NAA20: variants seen among roughly 807,000 people sequenced by gnomAD.
NAA20 encodes the protein N-alpha-acetyltransferase 20, NatB catalytic subunit, also known as N-alpha-acetyltransferase 20.
NAA20 carries 24 observed loss-of-function variants against 23.8 expected under a neutral mutation model. The ratio of observed to expected loss-of-function variants is 1.01; its 90% CI spans 0.73 to 1.42. NAA20 has a LOEUF of 1.42. NAA20 is among the 40% of genes most tolerant of loss of function. The pLI is 0.00. For synonymous variants in NAA20, 83 were observed against 77.7 expected, an observed-to-expected ratio of 1.07 and a Z score of -0.36; for missense variants, 166 against 223.1, an observed-to-expected ratio of 0.74 and a Z score of 1.63.
At chr20:20,026,671 TA>T (rs1568747824) in intron 3 of NAA20, 112 bp from the exon 4 acceptor site, 1 of 1,397,734 alleles carries the variant, frequency 7.2e-7, no homozygotes. Flanking sequence ...AGGTGGTACT[TA>T]AAAACTTCTT....
chr20:20,020,416 TAGAG>T (rs1271509421), intron 1 of NAA20, among the ~76,000 whole-genome samples: 3 of 151,926 alleles, frequency 2.0e-5, no homozygotes, highest in Non-Finnish European at 4.4e-5. Flanking sequence ...AGCTTCCAGA[TAGAG>T]GGAACAGTAA....
intron 4 of NAA20, 77 bp downstream of exon 4, chr20:20,026,996 T>C: frequency 6.4e-7 from 1 of 1,569,710 alleles, no homozygotes; most frequent in Non-Finnish European, 8.7e-7. Flanking sequence ...GCTGAATAAC[T>C]GTCATGCTTT....
chr20:20,022,533 AG>A (rs2043276382), intron 2 of NAA20, 53 bp downstream of exon 2: 9 of 1,456,192 alleles, frequency 6.2e-6, no homozygotes, highest in Non-Finnish European at 8.4e-6. Flanking sequence ...CTGAGAATAA[AG>A]AAAACAGAAA....
intron 2 of NAA20, among the ~76,000 whole-genome samples, chr20:20,024,012 A>G (rs1045170289): frequency 1.3e-5 from 2 of 152,228 alleles, no homozygotes; most frequent in African/African-American, 2.4e-5. Flanking sequence ...GTTTTTGTAA[A>G]TAAAATGTTA....
In NAA20 at chr20:20,025,743, C is replaced by T. The variant is rs146669267; in HGVS notation, c.145C>T (p.Pro49Ser). 1.9e-6 allele frequency: 3 copies of T among 1,608,974 alleles called. No homozygotes were observed. The highest frequency in any genetic ancestry group is 2.6e-6 in the Non-Finnish European group (3 of 1,175,560). Residue 49 changes from proline (P) to serine (S), a missense_variant, in exon 3 of 6, where the codon CCT becomes TCT. By Grantham distance (74) the Pro-to-Ser change is moderately conservative. Coordinates refer to ENST00000334982, the MANE Select transcript of NAA20 (RefSeq NM_016100.5). ...AGAGTATTTCATTGTTGCAGAGGCA[C>T]CTGGTGGAGAATTAATGGGTTATAG... ...WPEYFIVAEA[P>S]GGELMGYIMG...
chr20:20,033,351 G>C lies in NAA20; in HGVS notation c.*164G>C. Reference sequence around the variant, plus strand: ...TTTATTTTAAATCTCATTGTTTCCAGTTAGCAATATCATACCTATTAAAGC... The same window carrying C: ...TTTATTTTAAATCTCATTGTTTCCACTTAGCAATATCATACCTATTAAAGC... On this transcript the variant is annotated 3_prime_UTR_variant, in exon 6 of 6. Transcript: ENST00000334982. The C allele has an allele frequency of 1.7e-6, 1 of 587,568 alleles. No individual in the cohort carries two copies. The highest frequency in any genetic ancestry group is 2.9e-6 in the Non-Finnish European group (1 of 341,710). The allele number at this position is 587,568 out of a possible 1,614,324, so 36.4% of individuals were successfully genotyped here.
chr20:20,032,616 T>C lies in NAA20; in HGVS notation c.414T>C (p.Tyr138=), dbSNP rs1367197938. 3 of 1,608,730 alleles carry C rather than the reference T, an allele frequency of 1.9e-6. No homozygotes were observed. The highest frequency in any genetic ancestry group is 3.3e-4 in the Middle Eastern group (2 of 6,042). ...TATATAGGACGGTCATAGAGTACTA[T>C]TCGGCCAGCAACGGGGAGCCTGATG... ...YSVYRTVIEY[Y]SASNGEPDED... is the part of the protein sequence containing the mutation. Residue 138 remains tyrosine (Y), a synonymous_variant, in exon 5 of 6, where the codon TAT becomes TAC. Transcript: ENST00000334982.
At chr20:20,020,955 G>T (rs1268450371) in intron 1 of NAA20, among the ~76,000 whole-genome samples, 3 of 151,178 alleles carry the variant, frequency 2.0e-5, no homozygotes, top group East Asian at 3.9e-4. Context: ...TACTGAGGGG[G>T]TCTCTCGCCC....
At chr20:20,026,511 GTTTT>G (rs11481799) in intron 3 of NAA20, among the ~76,000 whole-genome samples, 1 of 142,626 alleles carries the variant, frequency 7.0e-6, no homozygotes, top group African/African-American at 2.6e-5. Context: ...ACATACTCTG[GTTTT>G]TTTTTTTTCA....
intron 1 of NAA20, among the ~76,000 whole-genome samples, chr20:20,019,212 G>A (rs1220995266): frequency 6.6e-6 from 1 of 152,220 alleles, no homozygotes; most frequent in African/African-American, 2.4e-5. Context: ...GTAGCAAAGT[G>A]TTCACTGTAG....
At chr20:20,031,953 TA>T (rs1176935232) in intron 4 of NAA20, among the ~76,000 whole-genome samples, 3 of 152,336 alleles carry the variant, frequency 2.0e-5, no homozygotes, top group Non-Finnish European at 2.9e-5. Context: ...AGTTTGGTAT[TA>T]ACTAATGAAG....
chr20:20,018,304 G>T, intron 1 of NAA20: 1 of 544,172 alleles, frequency 1.8e-6, no homozygotes, highest in South Asian at 2.3e-5. Context: ...CACTTTTCCT[G>T]GATTCTGCAG....
chr20:20,017,359 G>A, upstream of NAA20: 2 of 1,609,544 alleles, frequency 1.2e-6, no homozygotes, highest in Admixed American at 1.7e-5. Context: ...GCGGGCGCGG[G>A]GTCTTGGCGA....
At chr20:20,017,854 C>T in intron 1 of NAA20, 2 of 1,545,974 alleles carry the variant, frequency 1.3e-6, no homozygotes, top group Non-Finnish European at 8.7e-7. Flanking sequence ...GGCCGGGCCG[C>T]GCCTCTTCTG....
intron 5 of NAA20, 114 bp downstream of exon 5, chr20:20,032,767 A>C: frequency 4.5e-6 from 6 of 1,319,182 alleles, no homozygotes; most frequent in Non-Finnish European, 6.0e-6. Flanking sequence ...TTAAAATTTA[A>C]ATTTCCCTCA....
At chr20:20,022,065 C>G (rs1382872846) in intron 1 of NAA20, among the ~76,000 whole-genome samples, 1 of 152,194 alleles carries the variant, frequency 6.6e-6, no homozygotes, top group Non-Finnish European at 1.5e-5. Context: ...AAGACCCAGA[C>G]ACAGGCGGGG....
In NAA20 at chr20:20,026,793, A is replaced by G; in HGVS notation, c.179A>G (p.Lys60Arg). Reference sequence around the variant, plus strand: ...TTGTTGTTGTTGGCAGTTATGGGTAAAGCAGAAGGCTCAGTAGCTAGGGAA... The same window carrying G: ...TTGTTGTTGTTGGCAGTTATGGGTAGAGCAGAAGGCTCAGTAGCTAGGGAA... The part of the protein sequence containing the change: ...GGELMGYIMG[K>R]AEGSVAREEW... The change falls in exon 4 of 6, where the codon AAA becomes AGA. Residue 60 changes from lysine to arginine, a missense_variant. Coordinates refer to ENST00000334982, the MANE Select transcript of NAA20 (RefSeq NM_016100.5). The G allele has an allele frequency of 6.2e-7, 1 of 1,614,106 alleles. No individual in the cohort carries two copies. The highest frequency in any genetic ancestry group is 8.5e-7 in the Non-Finnish European group (1 of 1,179,982).
chr20:20,017,845 G>A, intron 1 of NAA20: 1 of 1,526,564 alleles, frequency 6.6e-7, no homozygotes. Flanking sequence ...CTGGTTCGTG[G>A]CCGGGCCGCG....
chr20:20,017,535 C>T (rs2043239863), intron 1 of NAA20, 86 bp downstream of exon 1: 2 of 1,508,316 alleles, frequency 1.3e-6, no homozygotes, highest in East Asian at 2.6e-5. Context: ...CGCGCCTTCC[C>T]GGCCGGACCC....
Sources: allele counts gnomAD v4.1 joint callset (sites outside exome capture counted in the v4.1 genomes callset), GRCh38; gene constraint gnomAD v4.1.1; transcripts MANE v1.5; gene names NCBI Gene and HGNC (gene_info 2026-07-23, HGNC 2026-07-21).